CBL: variants seen among roughly 807,000 people sequenced by gnomAD.
The protein encoded by CBL is Cbl proto-oncogene.
Under a neutral mutation model 96.9 loss-of-function variants are expected in CBL, and 45 were observed. The ratio of observed to expected loss-of-function variants is 0.46; its 90% CI spans 0.37 to 0.60. The LOEUF (loss-of-function observed/expected upper bound fraction) is 0.60. CBL is among the 20% of genes least tolerant of loss of function. The pLI is 0.00. For missense variants in CBL, 1,024 were observed against 1,143.5 expected (o/e 0.90, Z 1.51); for synonymous variants, 420 against 426.8 (o/e 0.98, Z 0.20).
intron 1 of CBL, among the ~76,000 whole-genome samples, chr11:119,230,866 A>T (rs920207557): frequency 6.6e-6 from 1 of 152,264 alleles, no homozygotes; most frequent in African/African-American, 2.4e-5. Context: ...ATTTATTTGT[A>T]TGACAAACAC....
chr11:119,219,386 AAAAAG>A (rs1239360129), intron 1 of CBL, among the ~76,000 whole-genome samples: 1 of 151,742 alleles, frequency 6.6e-6, no homozygotes, highest in Non-Finnish European at 1.5e-5. Context: ...CAAAAAAAAA[AAAAAG>A]AAAGAAAGAA....
At chr11:119,234,751 A>T (rs560963122) in intron 2 of CBL, among the ~76,000 whole-genome samples, 1 of 152,382 alleles carries the variant, frequency 6.6e-6, no homozygotes, top group South Asian at 2.1e-4. Flanking sequence ...TGGGCAACAC[A>T]GCGAGAACTC....
chr11:119,224,858 G>A (rs1399343571), intron 1 of CBL, among the ~76,000 whole-genome samples: 3 of 152,112 alleles, frequency 2.0e-5, no homozygotes, highest in African/African-American at 7.2e-5. Flanking sequence ...TGTCTCGGGT[G>A]GCAGAGATGG....
chr11:119,278,191 T>C lies in CBL; in HGVS notation c.1121T>C (p.Met374Thr). ...TQEQYELYCE[M>T]GSTFQLCKIC... Reference sequence around the variant, plus strand: ...GAACAATATGAATTATACTGTGAGATGGGCTCCACATTCCAACTATGTAAA... The same window carrying C: ...GAACAATATGAATTATACTGTGAGACGGGCTCCACATTCCAACTATGTAAA... Residue 374 changes from methionine to threonine, a missense_variant, in exon 8 of 16, where the codon ATG (methionine) becomes ACG (threonine). Met to Thr is a moderately conservative substitution (Grantham distance 81, BLOSUM62 -1). Coordinates refer to ENST00000264033, the MANE Select transcript of CBL (RefSeq NM_005188.4). 2 of 1,608,224 alleles carry C rather than the reference T, an allele frequency of 1.2e-6. No homozygotes were observed. Among genetic ancestry groups the C allele is most frequent in the African/African-American group, 1.3e-5 (1 of 74,924 alleles).
At chr11:119,282,665 A>G (rs1949946359) in intron 9 of CBL, among the ~76,000 whole-genome samples, 1 of 152,300 alleles carries the variant, frequency 6.6e-6, no homozygotes, top group Non-Finnish European at 1.5e-5. Flanking sequence ...ATTTTGTAAC[A>G]GGGCAAATTG....
intron 1 of CBL, 80 bp downstream of exon 1, chr11:119,206,692 G>A (rs1016551664): frequency 1.6e-6 from 2 of 1,285,564 alleles, no homozygotes; most frequent in Non-Finnish European, 2.1e-6. Context: ...GCGGACGGAG[G>A]AAGCGGGGGA....
Position 119,288,903 on chromosome 11 carries a change from G to A in CBL, c.2036+957G>A, listed in dbSNP as rs186629936. Among the ~76,000 whole-genome samples, 36 of 152,064 alleles carry A rather than the reference G, an allele frequency of 2.4e-4. No homozygotes were observed. The East Asian group carries it at 5.4e-3, about 23-fold the overall frequency. On this transcript the variant is annotated intron_variant, in intron 12 of 15. Coordinates refer to ENST00000264033, the MANE Select transcript of CBL (RefSeq NM_005188.4). ...GGGGGAACACAAACAGATGTTTTACGGTATTCCACCCATTTTGATATGTCA... is the reference window on the plus strand; with the variant it reads ...GGGGGAACACAAACAGATGTTTTACAGTATTCCACCCATTTTGATATGTCA...
chr11:119,212,879 G>A (rs1412088541), intron 1 of CBL, among the ~76,000 whole-genome samples: 6 of 151,548 alleles, frequency 4.0e-5, no homozygotes, highest in African/African-American at 1.2e-4. Context: ...GCATGATGGC[G>A]GGTGCCTGTC....
chr11:119,266,347 TA>T (rs1352046723), intron 2 of CBL, among the ~76,000 whole-genome samples: 1 of 152,230 alleles, frequency 6.6e-6, no homozygotes, highest in Non-Finnish European at 1.5e-5. Flanking sequence ...ATCATTCATA[TA>T]AAGGCCACTT....
intron 9 of CBL, among the ~76,000 whole-genome samples, chr11:119,279,490 C>G (rs1026163495): frequency 6.0e-4 from 74 of 123,390 alleles, no homozygotes; most frequent in Non-Finnish European, 6.4e-4. Flanking sequence ...CATGCCCCCC[C>G]CTAAAAAAAA....
At chr11:119,219,245 G>A (rs1179479573) in intron 1 of CBL, among the ~76,000 whole-genome samples, 2 of 151,976 alleles carry the variant, frequency 1.3e-5, no homozygotes, top group African/African-American at 4.8e-5. Context: ...CAGGTATGGA[G>A]GCGGGCTCCT....
At chr11:119,263,744 A>G (rs1949772906) in intron 2 of CBL, among the ~76,000 whole-genome samples, 1 of 152,168 alleles carries the variant, frequency 6.6e-6, no homozygotes. Context: ...CTTTGTGGAA[A>G]ACAGTTCCGT....
At position 119,307,514 on chromosome 11, in the gene CBL, C is replaced by T. The variant is rs1404085051; in HGVS notation, c.*7733C>T. ...TAAAGCATTAAGCAGCTAGTGCCCT[C>T]TGCAGGGCCTGGTTTCCCCAGGGAA... is the stretch of plus-strand genomic sequence containing the variant. On this transcript the variant is annotated 3_prime_UTR_variant, in exon 16 of 16. Coordinates refer to ENST00000264033, the MANE Select transcript of CBL (RefSeq NM_005188.4). 2 of 232,090 alleles carry T rather than the reference C, an allele frequency of 8.6e-6. No homozygotes were observed. Among genetic ancestry groups the T allele is most frequent in the African/African-American group, 4.4e-5 (2 of 45,270 alleles). The allele number at this position is 232,090 out of a possible 1,614,324, so 14.4% of individuals were successfully genotyped here.
At chr11:119,297,360 T>C in intron 13 of CBL, 24 bp from the exon 14 acceptor site, 1 of 1,544,520 alleles carries the variant, frequency 6.5e-7, no homozygotes, top group Non-Finnish European at 9.0e-7. Context: ...CAAAGATCAT[T>C]ATGGCACTTT....
chr11:119,247,246 C>T (rs1165064192), intron 2 of CBL, among the ~76,000 whole-genome samples: 2 of 152,166 alleles, frequency 1.3e-5, no homozygotes, highest in Non-Finnish European at 2.9e-5. Flanking sequence ...AGACTGAAAG[C>T]CTTCCCTTTA....
intron 2 of CBL, among the ~76,000 whole-genome samples, chr11:119,267,284 C>T (rs1375045717): frequency 6.6e-6 from 1 of 152,182 alleles, no homozygotes; most frequent in Non-Finnish European, 1.5e-5. Context: ...TCAGTCAGCA[C>T]TTTGAACTGC....
intron 2 of CBL, among the ~76,000 whole-genome samples, chr11:119,253,024 G>A (rs1215540965): frequency 4.6e-5 from 7 of 152,086 alleles, no homozygotes; most frequent in South Asian, 2.1e-4. Flanking sequence ...GCACACTTAC[G>A]TGTCAGTAGA....
intron 2 of CBL, among the ~76,000 whole-genome samples, 154 bp from the exon 3 acceptor site, chr11:119,271,581 C>T (rs1949849185): frequency 6.6e-6 from 1 of 152,126 alleles, no homozygotes; most frequent in African/African-American, 2.4e-5. Context: ...TTTTTATATC[C>T]TTGAATAATA....
chr11:119,207,098 G>C (rs1949276109), intron 1 of CBL, among the ~76,000 whole-genome samples: 1 of 152,108 alleles, frequency 6.6e-6, no homozygotes, highest in African/African-American at 2.4e-5. Flanking sequence ...CCTGGCTGGG[G>C]TCAGGACAGC....
Sources: gnomAD v4.1 joint callset for allele counts (sites outside exome capture counted in the v4.1 genomes callset) on GRCh38, gnomAD v4.1.1 for gene constraint, MANE v1.5 for transcripts, NCBI Gene and HGNC (gene_info 2026-07-23, HGNC 2026-07-21) for gene names.